Variants in ZCCHC24 observed in about 807,000 individuals in gnomAD.
ZCCHC24 encodes zinc finger CCHC-type containing 24, also known as zinc finger CCHC domain-containing protein 24.
Under a neutral mutation model 26.2 loss-of-function variants are expected in ZCCHC24, and 10 were observed. The observed-to-expected ratio is 0.38, with a 90% confidence interval of 0.24 to 0.65. The LOEUF is 0.65. Among genes scored for constraint, ZCCHC24 ranks in the 30% least tolerant of loss-of-function variants. ZCCHC24 has a pLI of 0.54. For missense variants in ZCCHC24, 243 were observed against 329.1 expected, an observed-to-expected ratio of 0.74 and a Z score of 2.03; for synonymous variants, 144 against 147.1, an observed-to-expected ratio of 0.98 and a Z score of 0.15.
chr10:79,430,271 A>C (rs1857107281), intron 2 of ZCCHC24, among the ~76,000 whole-genome samples: 2 of 152,038 alleles, frequency 1.3e-5, no homozygotes, highest in Admixed American at 6.6e-5. Flanking sequence ...TCATGAAGGG[A>C]GGAAGAAGGT....
rs1380819026 is a variant in ZCCHC24 at position 79,386,062 on chromosome 10, G to A, written c.*283C>T. On this transcript the variant is annotated 3_prime_UTR_variant, in exon 4 of 4. Transcript: ENST00000372336. The stretch of plus-strand genomic sequence containing the variant: ...CCTGTGGGGACACCCAGGGCTCCTG[G>A]ACATGGGCTTTTGCTTGCCTTTGTC... 4 of 547,900 alleles carry A rather than the reference G, an allele frequency of 7.3e-6. No individual in the cohort carries two copies. Among genetic ancestry groups the A allele is most frequent in the South Asian group, 2.7e-5 (1 of 36,640 alleles). 33.9% of individuals were successfully genotyped at this position (547,900 alleles called of 1,614,324 possible). A position where few individuals can be genotyped will look rare whatever the true frequency, so the allele number is the denominator to read the frequency against.
intron 2 of ZCCHC24, among the ~76,000 whole-genome samples, chr10:79,420,704 C>T (rs188316668): frequency 2.6e-4 from 40 of 152,142 alleles, no homozygotes; most frequent in African/African-American, 6.3e-4. Flanking sequence ...ACTCGGGAAG[C>T]GGAGGCTGCA....
At chr10:79,441,399 G>C (rs1237472076) in intron 1 of ZCCHC24, among the ~76,000 whole-genome samples, 1 of 152,218 alleles carries the variant, frequency 6.6e-6, no homozygotes, top group Non-Finnish European at 1.5e-5. Flanking sequence ...TAAGCCTTGT[G>C]ACACCCTTGC....
At chr10:79,430,712 A>ACACACACACACACACACC (rs1311631405) in intron 2 of ZCCHC24, among the ~76,000 whole-genome samples, 196 of 149,112 alleles carry the variant, frequency 1.3e-3, no homozygotes, top group African/African-American at 4.6e-3. Flanking sequence ...ACACACACAC[A>ACACACACACACACACACC]CCCTCTGCTA....
At chr10:79,419,315 C>T (rs913895339) in intron 2 of ZCCHC24, among the ~76,000 whole-genome samples, 1 of 152,218 alleles carries the variant, frequency 6.6e-6, no homozygotes, top group South Asian at 2.1e-4. Context: ...GCATTAGACG[C>T]TTTCCACACA....
chr10:79,434,188 C>T (rs1018255414), intron 1 of ZCCHC24, among the ~76,000 whole-genome samples: 2 of 152,166 alleles, frequency 1.3e-5, no homozygotes, highest in African/African-American at 2.4e-5. Flanking sequence ...GACACCACAT[C>T]GGGGGCAGGC....
intron 1 of ZCCHC24, among the ~76,000 whole-genome samples, chr10:79,442,545 T>C (rs1857303689): frequency 6.6e-6 from 1 of 152,188 alleles, no homozygotes; most frequent in African/African-American, 2.4e-5. Context: ...GGGTGGGCTC[T>C]TGGCACAGGG....
At chr10:79,406,283 C>T (rs7915975) in intron 2 of ZCCHC24, among the ~76,000 whole-genome samples, 127,163 of 152,150 alleles carry the variant, frequency 0.84, 53,219 homozygotes, top group East Asian at 0.92. Flanking sequence ...CCTTGCTGAG[C>T]GAGATATCGG....
chr10:79,406,987 C>T (rs1285272806), intron 2 of ZCCHC24, among the ~76,000 whole-genome samples: 1 of 152,236 alleles, frequency 6.6e-6, no homozygotes, highest in African/African-American at 2.4e-5. Context: ...CCAACCAAAT[C>T]CAGTGGAAGC....
rs142719636 is a variant in ZCCHC24, at chr10:79,432,437, C to T, written c.447+121G>A. On this transcript the variant is annotated intron_variant, in intron 2 of 3. Coordinates refer to ENST00000372336, the MANE Select transcript of ZCCHC24 (RefSeq NM_153367.4). ...CAAAAGGGTAGAGGCCAGAGGACCA[C>T]GGGGCCACTCATTGGTGGAAGGGGC... 3,159 of 1,042,814 alleles carry T rather than the reference C, an allele frequency of 3.0e-3. 21 individuals carry two copies. Among genetic ancestry groups the T allele is most frequent in the South Asian group, 0.018 (999 of 56,590 alleles). The allele number at this position is 1,042,814 out of a possible 1,614,324, so 64.6% of individuals were successfully genotyped here. A position where few individuals can be genotyped will look rare whatever the true frequency, so the allele number is the denominator to read the frequency against.
At chr10:79,417,477 C>A (rs1232982627) in intron 2 of ZCCHC24, among the ~76,000 whole-genome samples, 1 of 152,160 alleles carries the variant, frequency 6.6e-6, no homozygotes, top group Non-Finnish European at 1.5e-5. Flanking sequence ...TACAGCATGT[C>A]CTAGAGGATG....
intron 1 of ZCCHC24, among the ~76,000 whole-genome samples, chr10:79,440,178 T>G (rs954541458): frequency 7.2e-5 from 11 of 152,172 alleles, no homozygotes; most frequent in Non-Finnish European, 1.5e-4. Context: ...GTTCTGCCTC[T>G]GATTCCCTGA....
At chr10:79,425,695 C>T (rs981452959) in intron 2 of ZCCHC24, among the ~76,000 whole-genome samples, 1 of 152,082 alleles carries the variant, frequency 6.6e-6, no homozygotes, top group Non-Finnish European at 1.5e-5. Flanking sequence ...TAGTACCTAC[C>T]GAGACAATTT....
intron 1 of ZCCHC24, among the ~76,000 whole-genome samples, chr10:79,437,234 G>C (rs1164167387): frequency 1.3e-5 from 2 of 152,010 alleles, no homozygotes; most frequent in Admixed American, 6.5e-5. Flanking sequence ...TTTATTATTT[G>C]TAGAGATGAG....
At chr10:79,411,484 G>A (rs1856790770) in intron 2 of ZCCHC24, among the ~76,000 whole-genome samples, 1 of 152,228 alleles carries the variant, frequency 6.6e-6, no homozygotes, top group African/African-American at 2.4e-5. Context: ...CTCAACGGAA[G>A]GGGTGTTGAG....
intron 2 of ZCCHC24, among the ~76,000 whole-genome samples, chr10:79,399,397 G>A (rs1856599157): frequency 6.6e-6 from 1 of 152,196 alleles, no homozygotes; most frequent in African/African-American, 2.4e-5. Flanking sequence ...GCACTGCAGG[G>A]GCCACCACCC....
chr10:79,435,649 C>T (rs1237234662), intron 1 of ZCCHC24, among the ~76,000 whole-genome samples: 2 of 152,222 alleles, frequency 1.3e-5, no homozygotes, highest in African/African-American at 2.4e-5. Flanking sequence ...GGGTAGAGAC[C>T]GTCAGCTGAC....
chr10:79,424,533 C>T (rs1856999784), intron 2 of ZCCHC24, among the ~76,000 whole-genome samples: 3 of 152,330 alleles, frequency 2.0e-5, no homozygotes, highest in African/African-American at 2.4e-5. Flanking sequence ...TTCTGCTCAC[C>T]GCTGTCTTGT....
At chr10:79,393,970 C>A (rs1397816833) in intron 3 of ZCCHC24, among the ~76,000 whole-genome samples, 1 of 152,228 alleles carries the variant, frequency 6.6e-6, no homozygotes, top group Non-Finnish European at 1.5e-5. Flanking sequence ...CACTGGCCGA[C>A]TGGATGGATC....
Sources: allele counts gnomAD v4.1 joint callset (sites outside exome capture counted in the v4.1 genomes callset), GRCh38; gene constraint gnomAD v4.1.1; transcripts MANE v1.5; gene names NCBI Gene and HGNC (gene_info 2026-07-23, HGNC 2026-07-21).